ACER3: variants seen among roughly 807,000 people sequenced by gnomAD.
ACER3 encodes alkaline ceramidase 3, also known as alkCDase 3.
A neutral mutation model predicts 48.9 loss-of-function variants in ACER3; 16 were observed. The ratio of observed to expected loss-of-function variants is 0.33; its 90% CI spans 0.22 to 0.50. ACER3 has a LOEUF of 0.50. ACER3 is among the 20% of genes least tolerant of loss of function. The probability of loss-of-function intolerance (pLI) is 0.98; values close to 1 mark genes in which losing one functional copy is unlikely to be tolerated. For synonymous variants in ACER3, 109 were observed against 107.8 expected (o/e 1.01, Z -0.07); for missense variants, 227 against 326.0 (o/e 0.70, Z 2.34).
At chr11:76,864,705 T>G (rs1406528313) in intron 1 of ACER3, among the ~76,000 whole-genome samples, 3 of 148,372 alleles carry the variant, frequency 2.0e-5, no homozygotes, top group African/African-American at 7.4e-5. Context: ...GTTCAAGCAG[T>G]TCTCCTGCCT....
At chr11:76,947,145 G>A (rs1947497829) in intron 2 of ACER3, among the ~76,000 whole-genome samples, 1 of 152,158 alleles carries the variant, frequency 6.6e-6, no homozygotes, top group Admixed American at 6.5e-5. Flanking sequence ...TCTCTGTGGA[G>A]GAGATACACA....
At chr11:77,005,026 T>G (rs1460125280) in intron 7 of ACER3, among the ~76,000 whole-genome samples, 2 of 146,130 alleles carry the variant, frequency 1.4e-5, no homozygotes, top group Non-Finnish European at 3.0e-5. Flanking sequence ...GTGAGTTACT[T>G]AAACTTTTTC....
chr11:76,896,515 T>C (rs1368330566), intron 1 of ACER3, among the ~76,000 whole-genome samples: 3 of 151,522 alleles, frequency 2.0e-5, no homozygotes. Context: ...AAAAGACTAG[T>C]AGAATCCCCC....
chr11:76,928,920 C>T (rs1255283702), intron 2 of ACER3, among the ~76,000 whole-genome samples: 1 of 152,158 alleles, frequency 6.6e-6, no homozygotes, highest in Non-Finnish European at 1.5e-5. Context: ...GTTCTTTTGG[C>T]TTAGGATTGA....
chr11:77,011,365 G>A (rs1949260412), intron 7 of ACER3: 3 of 985,502 alleles, frequency 3.0e-6, no homozygotes, highest in Non-Finnish European at 3.6e-6. Context: ...GAGAGCTGAA[G>A]ATTGGCCATG....
At chr11:76,879,507 C>T (rs2134567508) in intron 1 of ACER3, among the ~76,000 whole-genome samples, 1 of 152,220 alleles carries the variant, frequency 6.6e-6, no homozygotes, top group South Asian at 2.1e-4. Flanking sequence ...AACATCCTTG[C>T]CTTTTCTTGA....
intron 2 of ACER3, among the ~76,000 whole-genome samples, chr11:76,952,135 T>TACACAC (rs754396590): frequency 7.7e-5 from 11 of 143,614 alleles, no homozygotes; most frequent in African/African-American, 2.8e-4. Flanking sequence ...ATTATATATA[T>TACACAC]ATATACACAC....
intron 2 of ACER3, among the ~76,000 whole-genome samples, chr11:76,956,305 T>C (rs1472162745): frequency 6.6e-6 from 1 of 152,194 alleles, no homozygotes; most frequent in Non-Finnish European, 1.5e-5. Context: ...TTTTGGACTC[T>C]AAATGTCTAG....
chr11:77,007,258 C>T (rs1949171556), intron 7 of ACER3, among the ~76,000 whole-genome samples: 1 of 151,562 alleles, frequency 6.6e-6, no homozygotes, highest in Non-Finnish European at 1.5e-5. Context: ...AAGTTTTTTG[C>T]CATTATTTTA....
At chr11:76,973,696 T>G (rs1948366384) in intron 3 of ACER3, among the ~76,000 whole-genome samples, 1 of 152,168 alleles carries the variant, frequency 6.6e-6, no homozygotes, top group Non-Finnish European at 1.5e-5. Flanking sequence ...TTCACTTTCT[T>G]AGTAGTGTCC....
At chr11:76,874,897 A>C in intron 1 of ACER3, among the ~76,000 whole-genome samples, 1 of 152,030 alleles carries the variant, frequency 6.6e-6, no homozygotes, top group Non-Finnish European at 1.5e-5. Flanking sequence ...TAGATTATCT[A>C]TATGTCACAT....
chr11:76,950,403 ATATATAT>A (rs1947627917), intron 2 of ACER3, among the ~76,000 whole-genome samples: 2 of 29,994 alleles, frequency 6.7e-5, no homozygotes, highest in African/African-American at 1.9e-4. Flanking sequence ...ATATATATAT[ATATATAT>A]AATTTACACA....
Position 77,024,286 on chromosome 11 carries a change from A to G in ACER3, c.*3959A>G, listed in dbSNP as rs1393003763. The G allele has an allele frequency of 8.2e-6, 1 of 121,900 alleles. No homozygotes were observed. The highest frequency in any genetic ancestry group is 6.1e-5 in the African/African-American group (1 of 16,298). The allele number at this position is 121,900 out of a possible 1,614,324, so 7.6% of individuals were successfully genotyped here. On this transcript the variant is annotated 3_prime_UTR_variant, in exon 11 of 11. Coordinates refer to ENST00000532485, the MANE Select transcript of ACER3 (RefSeq NM_018367.7). ...AGACCCTGTCTCAAAAAAAAAAAAA[A>G]AAAAAAAAAAAAAAAGAATTAGGAA...
intron 7 of ACER3, 145 bp from the exon 8 acceptor site, chr11:77,014,871 T>A: frequency 1.6e-6 from 1 of 635,906 alleles, no homozygotes. Flanking sequence ...AATGATCACA[T>A]CTGTGAATAG....
intron 7 of ACER3, among the ~76,000 whole-genome samples, chr11:77,012,416 CAAAAAAAAAAAA>C (rs35917677): frequency 1.4e-4 from 3 of 21,394 alleles, no homozygotes; most frequent in South Asian, 2.6e-3. Context: ...GACTCCATCT[CAAAAAAAAAAAA>C]AAAAAAAAAA....
At chr11:76,900,672 A>G (rs956677453) in intron 1 of ACER3, among the ~76,000 whole-genome samples, 2 of 152,148 alleles carry the variant, frequency 1.3e-5, no homozygotes, top group African/African-American at 4.8e-5. Flanking sequence ...AAAATAGTAA[A>G]TAAAATAATA....
chr11:76,893,787 A>G (rs1165676024), intron 1 of ACER3, among the ~76,000 whole-genome samples: 1 of 152,266 alleles, frequency 6.6e-6, no homozygotes, highest in African/African-American at 2.4e-5. Flanking sequence ...GTAACATCAG[A>G]TAATGCAATT....
chr11:76,896,689 A>G (rs528038960), intron 1 of ACER3, among the ~76,000 whole-genome samples: 55 of 152,258 alleles, frequency 3.6e-4, no homozygotes, highest in African/African-American at 1.3e-3. Flanking sequence ...TTTGAGATGT[A>G]TGTTAGACTA....
At chr11:76,948,031 GT>G (rs2134962290) in intron 2 of ACER3, among the ~76,000 whole-genome samples, 1 of 152,324 alleles carries the variant, frequency 6.6e-6, no homozygotes, top group South Asian at 2.1e-4. Flanking sequence ...GGCTCTTCAT[GT>G]GGTTCCTATA....
Sources: gnomAD v4.1 joint callset for allele counts (sites outside exome capture counted in the v4.1 genomes callset) on GRCh38, gnomAD v4.1.1 for gene constraint, MANE v1.5 for transcripts, NCBI Gene and HGNC (gene_info 2026-07-23, HGNC 2026-07-21) for gene names.